Variants in REPS1 observed in about 807,000 individuals in gnomAD.
REPS1 encodes the protein RALBP1 associated Eps domain containing 1.
REPS1 carries 39 observed loss-of-function variants against 100.9 expected under a neutral mutation model. The observed-to-expected ratio is 0.39, with a 90% confidence interval of 0.30 to 0.50. REPS1 has a LOEUF of 0.50. Among genes scored for constraint, REPS1 ranks in the 20% least tolerant of loss-of-function variants. The probability of loss-of-function intolerance (pLI) is 0.86; values close to 1 mark genes in which losing one functional copy is unlikely to be tolerated. For synonymous variants in REPS1, 324 were observed against 340.3 expected, an observed-to-expected ratio of 0.95 and a Z score of 0.53; for missense variants, 821 against 968.5, an observed-to-expected ratio of 0.85 and a Z score of 2.02.
intron 1 of REPS1, among the ~76,000 whole-genome samples, chr6:138,969,338 C>T (rs1466767137): frequency 1.5e-5 from 2 of 132,504 alleles, no homozygotes; most frequent in Non-Finnish European, 3.1e-5. Flanking sequence ...GTCTTCCAGG[C>T]TGGAGTGCAG....
intron 10 of REPS1, among the ~76,000 whole-genome samples, chr6:138,924,485 G>A (rs553901067): frequency 3.1e-4 from 47 of 152,136 alleles, no homozygotes; most frequent in African/African-American, 9.2e-4. Context: ...AATTTATTTC[G>A]CTTCTGAGTT....
At chr6:138,962,012 T>G (rs186356357) in intron 1 of REPS1, among the ~76,000 whole-genome samples, 1 of 152,306 alleles carries the variant, frequency 6.6e-6, no homozygotes, top group East Asian at 1.9e-4. Context: ...TTTTCTAAAG[T>G]TGGATACACG....
chr6:138,920,243 C>T lies in REPS1; in HGVS notation c.1500G>A (p.Ser500=), dbSNP rs1454474612. ...DLLEENKINS[S]VKFASGNTVA... ...CAGTATTACCAGAAGCGAATTTCAC[C>T]GATGAATTTATCTTATTTTCTTCTA... is the stretch of plus-strand genomic sequence containing the variant. The change falls in exon 12 of 20, where the codon TCG becomes TCA. Residue 500 remains serine (S), a synonymous_variant. Coordinates refer to ENST00000450536, the MANE Select transcript of REPS1 (RefSeq NM_001286611.2). 5.6e-6 allele frequency: 9 copies of T among 1,595,104 alleles called. No homozygotes were observed. The highest frequency in any genetic ancestry group is 2.2e-5 in the East Asian group (1 of 44,718).
intron 2 of REPS1, 65 bp from the exon 3 acceptor site, chr6:138,945,762 A>C: frequency 7.9e-7 from 1 of 1,264,594 alleles, no homozygotes; most frequent in Non-Finnish European, 1.1e-6. Flanking sequence ...AAACTAAAAT[A>C]AGACATGAAT....
chr6:138,938,005 C>CTT lies in REPS1; in HGVS notation c.1135+3328_1135+3329dup, dbSNP rs34900381. Among the ~76,000 whole-genome samples the CTT allele has an allele frequency of 1.2e-3, 171 of 148,408 alleles. 1 individual carries two copies. The highest frequency in any genetic ancestry group is 3.4e-3 in the Middle Eastern group (1 of 290). On this transcript the variant is annotated intron_variant, in intron 8 of 19. Coordinates refer to ENST00000450536, the MANE Select transcript of REPS1 (RefSeq NM_001286611.2). Reference sequence around the variant, plus strand: ...CGTGTTTGTAGCAGGTCATCTTAATCTTTTTTTTTTTTAAAGAAGACAAAC... The same window carrying CTT: ...CGTGTTTGTAGCAGGTCATCTTAATCTTTTTTTTTTTTTTAAAGAAGACAAAC...
At position 138,915,741 on chromosome 6, in the gene REPS1, T is replaced by C. The variant is rs926368875; in HGVS notation, c.1720+117A>G. On this transcript the variant is annotated intron_variant, in intron 14 of 19. Coordinates refer to ENST00000450536, the MANE Select transcript of REPS1 (RefSeq NM_001286611.2). Reference sequence around the variant, plus strand: ...GGATTACAGGCATGAGCAACCACACTCGACCAGATAAATATTTTTAAAAGA... The same window carrying C: ...GGATTACAGGCATGAGCAACCACACCCGACCAGATAAATATTTTTAAAAGA... 4.9e-5 allele frequency: 38 copies of C among 773,138 alleles called. No individual in the cohort carries two copies. The African/African-American group carries it at 5.3e-4, about 11-fold the overall frequency. The allele number at this position is 773,138 out of a possible 1,614,324, so 47.9% of individuals were successfully genotyped here. A position where few individuals can be genotyped will look rare whatever the true frequency, so the allele number is the denominator to read the frequency against.
In REPS1 at chr6:138,906,609, C is replaced by T. The variant is rs148435723; in HGVS notation, c.2322+886G>A. Among the ~76,000 whole-genome samples, 96 of 152,256 alleles carry T rather than the reference C, an allele frequency of 6.3e-4. 1 individual carries two copies. Among genetic ancestry groups the T allele is most frequent in the Admixed American group, 5.9e-3 (90 of 15,296 alleles). ...TAATTCCAGGACAGTGTAATAAATG[C>T]TAAATGAGGAGCATGAACAGAATGT... On this transcript the variant is annotated intron_variant, in intron 19 of 19. Coordinates refer to ENST00000450536, the MANE Select transcript of REPS1 (RefSeq NM_001286611.2).
At chr6:138,973,852 C>T (rs1235000647) in intron 1 of REPS1, among the ~76,000 whole-genome samples, 3 of 151,984 alleles carry the variant, frequency 2.0e-5, no homozygotes, top group Admixed American at 1.3e-4. Context: ...AATTGGCTGG[C>T]AATGTATATT....
At chr6:138,906,558 C>A (rs1779665164) in intron 19 of REPS1, among the ~76,000 whole-genome samples, 1 of 152,124 alleles carries the variant, frequency 6.6e-6, no homozygotes, top group African/African-American at 2.4e-5. Context: ...TGTAGTAGGA[C>A]AGAGAGACAA....
intron 13 of REPS1, 70 bp from the exon 14 acceptor site, chr6:138,916,046 C>T (rs1582717192): frequency 1.8e-6 from 2 of 1,100,336 alleles, no homozygotes; most frequent in Admixed American, 3.4e-5. Flanking sequence ...TAAACATTTA[C>T]ACTTGGCTAA....
At chr6:138,920,037 T>A (rs774155485) in intron 12 of REPS1, among the ~76,000 whole-genome samples, 178 bp downstream of exon 12, 2 of 152,124 alleles carry the variant, frequency 1.3e-5, no homozygotes, top group Admixed American at 6.5e-5. Context: ...GAAGCCTGCA[T>A]TGAAGCAGGA....
chr6:138,916,231 T>C (rs2128438046), intron 13 of REPS1: 1 of 322,446 alleles, frequency 3.1e-6, no homozygotes. Context: ...TTTTTTTTTT[T>C]TTTTTTTTTG....
chr6:138,937,231 T>C (rs1781907180), intron 8 of REPS1, among the ~76,000 whole-genome samples: 6 of 152,106 alleles, frequency 3.9e-5, no homozygotes, highest in South Asian at 4.2e-4. Context: ...AACATAAGAA[T>C]TCAAGATGAG....
In REPS1 at chr6:138,941,320, A is replaced by G. The variant is rs2128471100; in HGVS notation, c.1135+15T>C. The G allele has an allele frequency of 6.2e-7, 1 of 1,613,506 alleles. No homozygotes were observed. The highest frequency in any genetic ancestry group is 1.3e-5 in the African/African-American group (1 of 75,024). The stretch of plus-strand genomic sequence containing the variant: ...TCAAGGCATGCAAACAGCTCTCTTC[A>G]GCTCCCAATCTTACCTGCTGAATCT... On this transcript the variant is annotated intron_variant, in intron 8 of 19. Coordinates refer to ENST00000450536, the MANE Select transcript of REPS1 (RefSeq NM_001286611.2).
chr6:138,946,283 C>T (rs1274329292), intron 2 of REPS1, among the ~76,000 whole-genome samples: 2 of 152,096 alleles, frequency 1.3e-5, no homozygotes, highest in Non-Finnish European at 2.9e-5. Context: ...GTAGAGTATT[C>T]TATCTATCCA....
At chr6:138,907,340 G>GTGTGTGTGTGTGTGT (rs1562506396) in intron 19 of REPS1, 155 bp downstream of exon 19, 93 of 490,532 alleles carry the variant, frequency 1.9e-4, no homozygotes, top group African/African-American at 4.6e-4. Context: ...GTGTGTGTGT[G>GTGTGTGTGTGTGTGT]GCGGGGAGGG....
intron 14 of REPS1, 146 bp downstream of exon 14, chr6:138,915,712 G>C (rs948504337): frequency 1.7e-6 from 1 of 596,496 alleles, no homozygotes. Context: ...CCCTCAAAGT[G>C]CTGGGATTAC....
At position 138,930,101 on chromosome 6, in the gene REPS1, G is replaced by A. The variant is rs147094284; in HGVS notation, c.1136-3C>T. On this transcript the variant is annotated splice_polypyrimidine_tract_variant and splice_region_variant and intron_variant, in intron 8 of 19. Transcript: ENST00000450536. ...CTCACCTGGCTGATCCCCAACATCTGCAATTTAAAAATAGAGAAATTCTCT... is the reference window on the plus strand; with the variant it reads ...CTCACCTGGCTGATCCCCAACATCTACAATTTAAAAATAGAGAAATTCTCT... 1 of 1,611,242 alleles carries A rather than the reference G, an allele frequency of 6.2e-7. No homozygotes were observed. Among genetic ancestry groups the A allele is most frequent in the Non-Finnish European group, 8.5e-7 (1 of 1,178,004 alleles).
At chr6:138,971,856 T>C (rs73564713) in intron 1 of REPS1, among the ~76,000 whole-genome samples, 13,387 of 152,188 alleles carry the variant, frequency 0.088, 1,233 homozygotes, top group African/African-American at 0.23. Flanking sequence ...CCAGAATTGC[T>C]TTAAGTCATC....
Sources: gnomAD v4.1 joint callset for allele counts (sites outside exome capture counted in the v4.1 genomes callset) on GRCh38, gnomAD v4.1.1 for gene constraint, MANE v1.5 for transcripts, NCBI Gene and HGNC (gene_info 2026-07-23, HGNC 2026-07-21) for gene names.